RACGAP1: variants seen among roughly 807,000 people sequenced by gnomAD.
RACGAP1 encodes Rac GTPase activating protein 1.
RACGAP1 carries 30 observed loss-of-function variants against 78.1 expected under a neutral mutation model. That is an observed-to-expected ratio of 0.38 (90% CI 0.29 to 0.52). RACGAP1 has a LOEUF of 0.52. Ranked by LOEUF, RACGAP1 falls within the 20% of genes least tolerant of loss-of-function variation. RACGAP1 has a pLI of 0.82. For synonymous variants in RACGAP1, 231 were observed against 264.8 expected, an observed-to-expected ratio of 0.87 and a Z score of 1.24; for missense variants, 587 against 777.1, an observed-to-expected ratio of 0.76 and a Z score of 2.91.
chr12:50,013,874 A>T (rs952172295), intron 2 of RACGAP1, among the ~76,000 whole-genome samples: 1 of 152,192 alleles, frequency 6.6e-6, no homozygotes, highest in Non-Finnish European at 1.5e-5. Flanking sequence ...TGCTGAATGA[A>T]TCTGAGTTTT....
intron 1 of RACGAP1, among the ~76,000 whole-genome samples, chr12:50,024,641 C>A (rs1362637242): frequency 6.6e-6 from 1 of 152,016 alleles, no homozygotes; most frequent in Non-Finnish European, 1.5e-5. Context: ...TGCACTTGTA[C>A]CCCCTAAATA....
intron 1 of RACGAP1, among the ~76,000 whole-genome samples, chr12:50,025,096 TGAGA>T (rs1323625509): frequency 2.0e-5 from 3 of 152,088 alleles, no homozygotes; most frequent in Admixed American, 2.0e-4. Flanking sequence ...CGTATCTGAC[TGAGA>T]GACTCTTGTT....
chr12:49,992,280 C>T lies in RACGAP1; in HGVS notation c.1543G>A (p.Val515Met). 1.9e-6 allele frequency: 3 copies of T among 1,614,178 alleles called. No individual in the cohort carries two copies. Among genetic ancestry groups the T allele is most frequent in the Admixed American group, 1.7e-5 (1 of 60,014 alleles). The change falls in exon 14 of 17, where the codon GTG becomes ATG. Residue 515 changes from valine to methionine, a missense_variant. Val to Met is a conservative substitution (Grantham distance 21). Transcript: ENST00000312377. Reference protein sequence around the residue: ...VAHAVPNPDPVTMLQDIKRQP... With the variant: ...VAHAVPNPDPMTMLQDIKRQP... ...CGCTTGATGTCCTGTAACATTGTCACTGGGTCTGGATTGGGCACAGCATGG... is the reference window on the plus strand; with the variant it reads ...CGCTTGATGTCCTGTAACATTGTCATTGGGTCTGGATTGGGCACAGCATGG...
At chr12:50,030,780 T>TTGTGTG (rs113580644) in intron 2 of RACGAP1, among the ~76,000 whole-genome samples, 32 of 150,836 alleles carry the variant, frequency 2.1e-4, no homozygotes, top group African/African-American at 7.6e-4. Flanking sequence ...TTTATGTCTT[T>TTGTGTG]TGTGTGTGTG....
chr12:49,996,977 C>T (rs1948333215), intron 10 of RACGAP1, 63 bp downstream of exon 10: 1 of 1,398,520 alleles, frequency 7.2e-7, no homozygotes, highest in East Asian at 2.6e-5. Context: ...CAAAAACTGA[C>T]ACTAAGCCTT....
At chr12:50,018,157 C>CAAA (rs5798123) in intron 1 of RACGAP1, among the ~76,000 whole-genome samples, 3 of 121,662 alleles carry the variant, frequency 2.5e-5, no homozygotes, top group Non-Finnish European at 4.8e-5. Flanking sequence ...GACTCTGTCT[C>CAAA]AAAAAAAAAA....
At chr12:50,032,385 A>G (rs1049774723) in intron 1 of RACGAP1, among the ~76,000 whole-genome samples, 1 of 152,178 alleles carries the variant, frequency 6.6e-6, no homozygotes, top group Non-Finnish European at 1.5e-5. Flanking sequence ...GTTAAGTTCA[A>G]TAGGACGGTG....
At position 50,002,274 on chromosome 12, in the gene RACGAP1, A is replaced by G; in HGVS notation, c.522T>C (p.Thr174=). 6.2e-7 allele frequency: 1 copy of G among 1,613,686 alleles called. No individual in the cohort carries two copies. Among genetic ancestry groups the G allele is most frequent in the Non-Finnish European group, 8.5e-7 (1 of 1,179,746 alleles). Residue 174 remains threonine (T), a synonymous_variant, in exon 6 of 17, where the codon ACT becomes ACC. Transcript: ENST00000312377. ...SLDWDSSLVK[T]FKLKKREKRR... is the part of the protein sequence containing the mutation. ...TCTTTTCTCTCTTCTTCAGTTTGAAAGTCTTCACCAAAGAAGAGTCCCAAT... is the reference window on the plus strand; with the variant it reads ...TCTTTTCTCTCTTCTTCAGTTTGAAGGTCTTCACCAAAGAAGAGTCCCAAT...
chr12:49,992,093 C>T lies in RACGAP1; in HGVS notation c.1619G>A (p.Ser540Asn), dbSNP rs1249093692. 6.2e-7 allele frequency: 1 copy of T among 1,614,082 alleles called. No homozygotes were observed. The highest frequency in any genetic ancestry group is 8.5e-7 in the Non-Finnish European group (1 of 1,180,016). The part of the protein sequence containing the change: ...RLLSLPLEYW[S>N]QFMMVEQENI... Reference sequence around the variant, plus strand: ...CTCTTGCTCCACCATCATGAACTGACTCCAATACTCCAGAGGCAAGGAAAG... The same window carrying T: ...CTCTTGCTCCACCATCATGAACTGATTCCAATACTCCAGAGGCAAGGAAAG... Residue 540 changes from serine (S) to asparagine (N), a missense_variant, in exon 15 of 17, where the codon AGT becomes AAT. Physicochemically the swap from Ser to Asn is conservative, Grantham distance 46. Coordinates refer to ENST00000312377, the MANE Select transcript of RACGAP1 (RefSeq NM_001319999.2).
At chr12:50,000,559 G>A (rs779258020) in intron 7 of RACGAP1, among the ~76,000 whole-genome samples, 2 of 152,022 alleles carry the variant, frequency 1.3e-5, no homozygotes, top group Admixed American at 6.5e-5. Flanking sequence ...CTTGAGCCCC[G>A]CAGTTCGAGT....
At chr12:50,021,222 G>A in intron 1 of RACGAP1, 1 of 659,566 alleles carries the variant, frequency 1.5e-6, no homozygotes, top group Non-Finnish European at 1.9e-6. Context: ...GTAGTACATT[G>A]CTTTTGCAGC....
intron 1 of RACGAP1, among the ~76,000 whole-genome samples, chr12:50,020,681 C>G (rs1248525620): frequency 1.3e-5 from 2 of 152,076 alleles, no homozygotes; most frequent in Non-Finnish European, 2.9e-5. Context: ...ACTCAGAGAC[C>G]TCCTGCAAAC....
chr12:50,030,733 T>TCATGTATATGAA (rs760485201), intron 2 of RACGAP1, among the ~76,000 whole-genome samples: 35 of 152,164 alleles, frequency 2.3e-4, no homozygotes, highest in Admixed American at 1.8e-3. Flanking sequence ...ACATTATACT[T>TCATGTATATGAA]CAAAACATCA....
chr12:49,995,310 T>C (rs1245816877), intron 10 of RACGAP1, among the ~76,000 whole-genome samples: 1 of 151,990 alleles, frequency 6.6e-6, no homozygotes, highest in Non-Finnish European at 1.5e-5. Context: ...ATTGCGCCAT[T>C]GCACTCCAGC....
At chr12:50,025,293 C>T (rs1190634677) in intron 1 of RACGAP1, 105 bp downstream of exon 1, 1 of 985,288 alleles carries the variant, frequency 1.0e-6, no homozygotes, top group African/African-American at 1.7e-5. Flanking sequence ...CCCGCTGTCC[C>T]GCTGTCCCGG....
chr12:50,001,440 A>G (rs564551607), intron 6 of RACGAP1, among the ~76,000 whole-genome samples, 188 bp from the exon 7 acceptor site: 1 of 152,204 alleles, frequency 6.6e-6, no homozygotes, highest in South Asian at 2.1e-4. Context: ...TTTCAAAAGA[A>G]TATGTTGTAC....
Position 50,016,685 on chromosome 12 carries a change from G to A in RACGAP1, c.31C>T (p.Leu11=). 1 of 1,614,006 alleles carries A rather than the reference G, an allele frequency of 6.2e-7. No individual in the cohort carries two copies. Among genetic ancestry groups the A allele is most frequent in the Non-Finnish European group, 8.5e-7 (1 of 1,180,026 alleles). Residue 11 remains leucine (L), a synonymous_variant, in exon 2 of 17, where the codon CTG becomes TTG. Coordinates refer to ENST00000312377, the MANE Select transcript of RACGAP1 (RefSeq NM_001319999.2). ...ACCCGGCGCACAAGCTGCTCAAACA[G>A]ATTCCGCACATTCAGCATCATAGTA... MDTMMLNVRN[L]FEQLVRRVEI...
At chr12:49,991,690 T>C (rs889412919) in intron 15 of RACGAP1, among the ~76,000 whole-genome samples, 2 of 150,982 alleles carry the variant, frequency 1.3e-5, no homozygotes, top group Admixed American at 6.6e-5. Context: ...GGTTTCACCA[T>C]GTTGGCCAGA....
At chr12:50,020,044 G>A (rs945848770) in intron 1 of RACGAP1, among the ~76,000 whole-genome samples, 2 of 152,116 alleles carry the variant, frequency 1.3e-5, no homozygotes, top group Non-Finnish European at 2.9e-5. Flanking sequence ...AAGGATATCA[G>A]TAAATTCAGA....
Sources: gnomAD v4.1 joint callset for allele counts (sites outside exome capture counted in the v4.1 genomes callset) on GRCh38, gnomAD v4.1.1 for gene constraint, MANE v1.5 for transcripts, NCBI Gene and HGNC (gene_info 2026-07-23, HGNC 2026-07-21) for gene names.